Variants in NAV3 observed in about 807,000 individuals in gnomAD.
NAV3 encodes pore membrane and/or filament interacting like protein 1.
A neutral mutation model predicts 244.7 loss-of-function variants in NAV3; 87 were observed. The observed-to-expected ratio is 0.36, with a 90% CI of 0.30 to 0.42. The LOEUF (loss-of-function observed/expected upper bound fraction) is 0.42. NAV3 is among the 20% of genes least tolerant of loss of function. The pLI, the probability that NAV3 is intolerant of heterozygous loss-of-function variation, is 1.00. For synonymous variants in NAV3, 1,126 were observed against 1,042.2 expected, an observed-to-expected ratio of 1.08 and a Z score of -1.55; for missense variants, 2,663 against 2,893.3, an observed-to-expected ratio of 0.92 and a Z score of 1.83.
intron 2 of NAV3, among the ~76,000 whole-genome samples, chr12:77,648,055 C>T (rs1005277544): frequency 2.0e-5 from 3 of 152,048 alleles, no homozygotes; most frequent in Non-Finnish European, 2.9e-5. Context: ...GTTGGACTCC[C>T]TATCAATGGC....
At chr12:78,000,832 G>A (rs1383844750) in intron 7 of NAV3, among the ~76,000 whole-genome samples, 3 of 150,836 alleles carry the variant, frequency 2.0e-5, no homozygotes, top group African/African-American at 7.3e-5. Context: ...CAAAAAATTA[G>A]CCTGGCATGG....
At chr12:77,636,456 C>T (rs772056) in intron 2 of NAV3, among the ~76,000 whole-genome samples, 3,954 of 131,540 alleles carry the variant, frequency 0.03, 70 homozygotes, top group Middle Eastern at 0.058. Flanking sequence ...CAGTGCCAGA[C>T]ACCGTCTCAA....
chr12:77,927,787 A>G (rs1001357142), intron 1 of NAV3, among the ~76,000 whole-genome samples: 3 of 152,162 alleles, frequency 2.0e-5, no homozygotes, highest in African/African-American at 7.2e-5. Flanking sequence ...GTAGAAGAAA[A>G]GATCATTAGT....
chr12:77,942,358 G>A lies in NAV3; in HGVS notation c.414+1225G>A, dbSNP rs1889957284. Reference sequence around the variant, plus strand: ...TTGCACTCCGGCCTGGGCAATACGAGCAAAACTCTGTCTCGAAAAAATAAA... The same window carrying A: ...TTGCACTCCGGCCTGGGCAATACGAACAAAACTCTGTCTCGAAAAAATAAA... On this transcript the variant is annotated intron_variant, in intron 3 of 39. Coordinates refer to ENST00000397909, the MANE Select transcript of NAV3 (RefSeq NM_001024383.2). Among the ~76,000 whole-genome samples, 3 of 151,366 alleles carry A rather than the reference G, an allele frequency of 2.0e-5. No homozygotes were observed. In the South Asian group the frequency reaches 6.3e-4, roughly 32 times the overall value.
At chr12:77,612,973 G>T (rs1870984663) in intron 2 of NAV3, among the ~76,000 whole-genome samples, 1 of 152,046 alleles carries the variant, frequency 6.6e-6, no homozygotes, top group South Asian at 2.1e-4. Flanking sequence ...CTGCCTCCAT[G>T]TGAAGAAGGA....
intron 2 of NAV3, among the ~76,000 whole-genome samples, chr12:77,795,643 G>C (rs1030944290): frequency 2.0e-5 from 3 of 152,078 alleles, no homozygotes; most frequent in Admixed American, 2.0e-4. Context: ...GTCATCTAAG[G>C]CTTTCATAAC....
intron 2 of NAV3, among the ~76,000 whole-genome samples, chr12:77,760,096 A>G (rs1869389296): frequency 6.6e-6 from 1 of 152,232 alleles, no homozygotes; most frequent in African/African-American, 2.4e-5. Flanking sequence ...CTCTGGTGTT[A>G]GAATATGCTT....
At chr12:78,071,092 G>A (rs1952738989) in intron 12 of NAV3, among the ~76,000 whole-genome samples, 2 of 151,850 alleles carry the variant, frequency 1.3e-5, no homozygotes, top group Admixed American at 6.6e-5. Context: ...TGGGTCAAAT[G>A]GTATTTCCAG....
At chr12:78,000,658 C>T (rs1423620488) in intron 7 of NAV3, among the ~76,000 whole-genome samples, 14 of 129,768 alleles carry the variant, frequency 1.1e-4, no homozygotes, top group East Asian at 2.3e-4. Flanking sequence ...CGCCCGCCAC[C>T]ACGCCCGGCT....
chr12:77,998,072 G>A (rs1311053604), intron 6 of NAV3, among the ~76,000 whole-genome samples: 1 of 152,134 alleles, frequency 6.6e-6, no homozygotes, highest in African/African-American at 2.4e-5. Flanking sequence ...GGGATGGGGT[G>A]AGTATGACTT....
chr12:77,680,322 G>T, intron 2 of NAV3, among the ~76,000 whole-genome samples: 1 of 152,076 alleles, frequency 6.6e-6, no homozygotes, highest in Non-Finnish European at 1.5e-5. Context: ...CTTGAAGAAA[G>T]AATATCTATT....
At chr12:78,096,572 A>T (rs1047212846) in intron 12 of NAV3, among the ~76,000 whole-genome samples, 1 of 152,182 alleles carries the variant, frequency 6.6e-6, no homozygotes, top group African/African-American at 2.4e-5. Flanking sequence ...GCAAAGTCAC[A>T]TCTTACATGG....
chr12:77,652,952 CTT>C (rs1872894642), intron 2 of NAV3, among the ~76,000 whole-genome samples: 1 of 152,090 alleles, frequency 6.6e-6, no homozygotes, highest in African/African-American at 2.4e-5. Flanking sequence ...ATTTACAAAG[CTT>C]TTAGTATTTT....
chr12:77,803,795 T>C lies in NAV3; in HGVS notation c.73-136524T>C, dbSNP rs553572389. Among the ~76,000 whole-genome samples, 14 of 152,350 alleles carry C rather than the reference T, an allele frequency of 9.2e-5. No homozygotes were observed. In the South Asian group the frequency reaches 2.9e-3, roughly 32 times the overall value. ...GACATCCTCTCCAGCATCTGTTGTT[T>C]CCTGACTTTTTCATGATCGCCATTC... On this transcript the variant is annotated intron_variant, in intron 2 of 8. Coordinates refer to the NAV3 transcript ENST00000550042.
At chr12:77,930,356 G>A (rs1027050886) in intron 1 of NAV3, among the ~76,000 whole-genome samples, 6 of 151,418 alleles carry the variant, frequency 4.0e-5, no homozygotes, top group South Asian at 2.1e-4. Context: ...CTTAAACAGA[G>A]TTTGTTGTTT....
intron 2 of NAV3, among the ~76,000 whole-genome samples, chr12:77,604,574 T>G (rs531102676): frequency 2.0e-4 from 30 of 151,744 alleles, no homozygotes; most frequent in Admixed American, 7.2e-4. Flanking sequence ...GTTTTTTTTT[T>G]GGGAGGGTGC....
intron 7 of NAV3, among the ~76,000 whole-genome samples, 182 bp from the exon 8 acceptor site, chr12:78,006,237 C>G (rs1874192948): frequency 6.6e-6 from 1 of 151,648 alleles, no homozygotes; most frequent in Non-Finnish European, 1.5e-5. Context: ...CTCTCAAACA[C>G]TCTGCATTTT....
intron 21 of NAV3, among the ~76,000 whole-genome samples, chr12:78,147,401 A>G (rs909174824): frequency 6.6e-6 from 1 of 152,002 alleles, no homozygotes. Context: ...GTTATGGTTT[A>G]AAAAAACAAT....
intron 2 of NAV3, among the ~76,000 whole-genome samples, chr12:77,693,754 C>T (rs1019038425): frequency 1.3e-5 from 2 of 152,030 alleles, no homozygotes; most frequent in Non-Finnish European, 2.9e-5. Context: ...TAAAAGACCC[C>T]TTTTTTCCTC....
Sources: allele counts gnomAD v4.1 joint callset (sites outside exome capture counted in the v4.1 genomes callset), GRCh38; gene constraint gnomAD v4.1.1; transcripts MANE v1.5; gene names NCBI Gene and HGNC (gene_info 2026-07-23, HGNC 2026-07-21).